The following PRH1 variants were observed in gnomAD, a reference collection of about 807,000 sequenced individuals.
PRH1 encodes the protein proline rich protein HaeIII subfamily 1.
In PRH1, 7 loss-of-function variants were observed where a neutral mutation model predicts 7.9. The ratio of observed to expected loss-of-function variants is 0.89; its 90% CI spans 0.50 to 1.67. The LOEUF (loss-of-function observed/expected upper bound fraction) is 1.67. Among genes scored for constraint, PRH1 ranks in the 40% most tolerant of loss-of-function variants. The pLI, the probability that PRH1 is intolerant of heterozygous loss-of-function variation, is 0.00. For synonymous variants in PRH1, 45 were observed against 80.8 expected, an observed-to-expected ratio of 0.56 and a Z score of 2.38; for missense variants, 109 against 223.6, an observed-to-expected ratio of 0.49 and a Z score of 3.27.
At chr12:11,162,781 A>T (rs1019736061) in intron 1 of PRH1, among the ~76,000 whole-genome samples, 1 of 152,180 alleles carries the variant, frequency 6.6e-6, no homozygotes, top group African/African-American at 2.4e-5. Flanking sequence ...CAACAAATAC[A>T]GCCTCACCCC....
intron 1 of PRH1, chr12:11,132,867 AG>A (rs1946404685): frequency 1.5e-5 from 2 of 136,478 alleles, no homozygotes; most frequent in Non-Finnish European, 3.2e-5. Flanking sequence ...TTAAAACAAC[AG>A]ATTGTAAGCA....
downstream of PRH1, among the ~76,000 whole-genome samples, chr12:11,117,881 C>T (rs932376341): frequency 6.6e-6 from 1 of 152,088 alleles, no homozygotes; most frequent in African/African-American, 2.4e-5. Context: ...AAGAATGAAA[C>T]TAGGCCCATA....
At chr12:10,936,594 C>T (rs1411464603) in intron 2 of PRH1, among the ~76,000 whole-genome samples, 2 of 152,100 alleles carry the variant, frequency 1.3e-5, no homozygotes, top group Non-Finnish European at 2.9e-5. Flanking sequence ...CTTTATCAAA[C>T]CCCCAGTTAC....
At chr12:10,903,583 C>T (rs941498801) in intron 2 of PRH1, among the ~76,000 whole-genome samples, 2 of 151,768 alleles carry the variant, frequency 1.3e-5, no homozygotes, top group Non-Finnish European at 2.9e-5. Flanking sequence ...ACTGAACATG[C>T]AAAAACTGAA....
chr12:11,036,086 G>A (rs1293458460), intron 1 of PRH1, among the ~76,000 whole-genome samples: 3 of 152,114 alleles, frequency 2.0e-5, no homozygotes, highest in Admixed American at 6.5e-5. Flanking sequence ...GTAGAGACAG[G>A]GTTTTACTGT....
At chr12:11,170,585 T>C (rs1302525915) in intron 1 of PRH1, among the ~76,000 whole-genome samples, 1 of 152,088 alleles carries the variant, frequency 6.6e-6, no homozygotes, top group Non-Finnish European at 1.5e-5. Context: ...AAGTACAGAG[T>C]AGTATTCCAG....
chr12:10,925,383 C>G (rs968949561), intron 2 of PRH1, among the ~76,000 whole-genome samples: 1 of 152,194 alleles, frequency 6.6e-6, no homozygotes, highest in East Asian at 1.9e-4. Flanking sequence ...TCAGGCCAGT[C>G]TCTCTCTTGG....
At chr12:10,914,094 TA>T (rs1284750591) in intron 2 of PRH1, among the ~76,000 whole-genome samples, 1 of 152,174 alleles carries the variant, frequency 6.6e-6, no homozygotes, top group East Asian at 1.9e-4. Flanking sequence ...GAAAAAACAT[TA>T]CTGTTTACTG....
chr12:10,938,551 G>C (rs367647949), intron 2 of PRH1: 2 of 1,613,864 alleles, frequency 1.2e-6, no homozygotes, highest in Non-Finnish European at 1.7e-6. Context: ...TGGCGTCTCC[G>C]GATATTTTGA....
rs566267990 is a variant in PRH1 at position 11,006,683 on chromosome 12, G to A, written c.-125-32962C>T. Among the ~76,000 whole-genome samples, 5 of 152,224 alleles carry A rather than the reference G, an allele frequency of 3.3e-5. No homozygotes were observed. In the South Asian group the frequency reaches 1.0e-3, roughly 32 times the overall value. On this transcript the variant is annotated intron_variant, in intron 1 of 3. Transcript: ENST00000539853. ...AAATGCAGGCCTAATAACACAGATTGTGATTCCTTTAATATCTAGACCTTA... is the reference window on the plus strand; with the variant it reads ...AAATGCAGGCCTAATAACACAGATTATGATTCCTTTAATATCTAGACCTTA...
chr12:11,099,052 T>C (rs1334697371), intron 1 of PRH1, among the ~76,000 whole-genome samples: 1 of 152,156 alleles, frequency 6.6e-6, no homozygotes, highest in Non-Finnish European at 1.5e-5. Context: ...TATTATTATA[T>C]AAAATATTTA....
intron 2 of PRH1, among the ~76,000 whole-genome samples, chr12:10,923,990 GT>G (rs35612831): frequency 1.7e-4 from 15 of 89,488 alleles, no homozygotes; most frequent in African/African-American, 7.2e-4. Flanking sequence ...TTCTCCATCT[GT>G]TTTTTTTTTT....
chr12:11,040,555 G>A (rs1942666904), intron 1 of PRH1, among the ~76,000 whole-genome samples: 1 of 152,160 alleles, frequency 6.6e-6, no homozygotes, highest in Admixed American at 6.6e-5. Context: ...TCACACACCT[G>A]GGCCTTTTGG....
chr12:10,937,030 G>A (rs1301482276), intron 2 of PRH1, among the ~76,000 whole-genome samples: 6 of 151,904 alleles, frequency 3.9e-5, no homozygotes, highest in African/African-American at 1.5e-4. Flanking sequence ...TCAGGATTAC[G>A]GTTACATTCC....
intron 2 of PRH1, among the ~76,000 whole-genome samples, chr12:10,927,745 T>G (rs1950143089): frequency 6.6e-6 from 1 of 152,236 alleles, no homozygotes; most frequent in Non-Finnish European, 1.5e-5. Context: ...ACATGGCCTC[T>G]CAGCCATGCC....
intron 1 of PRH1, among the ~76,000 whole-genome samples, chr12:11,095,861 A>G (rs2418304): frequency 0.025 from 2,890 of 115,576 alleles, 836 homozygotes; most frequent in South Asian, 0.041. Context: ...TATATTTTAA[A>G]TTTCTGTTTA....
chr12:11,040,507 T>A (rs113758745), intron 1 of PRH1, among the ~76,000 whole-genome samples: 1 of 152,128 alleles, frequency 6.6e-6, no homozygotes, highest in African/African-American at 2.4e-5. Context: ...TAAGTGGGAA[T>A]TGAACAGTGA....
chr12:11,151,488 C>T (rs1214268349), intron 1 of PRH1, among the ~76,000 whole-genome samples: 1 of 152,174 alleles, frequency 6.6e-6, no homozygotes, highest in Admixed American at 6.5e-5. Flanking sequence ...ATTTCACAGT[C>T]TCCTTTTAAA....
chr12:10,961,892 T>A (rs182974193), intron 2 of PRH1, among the ~76,000 whole-genome samples: 325 of 152,354 alleles, frequency 2.1e-3, no homozygotes, highest in Non-Finnish European at 3.7e-3. Flanking sequence ...ATGCATCTGA[T>A]GACCACCATG....
Sources: allele counts gnomAD v4.1 joint callset (sites outside exome capture counted in the v4.1 genomes callset), GRCh38; gene constraint gnomAD v4.1.1; transcripts MANE v1.5; gene names NCBI Gene and HGNC (gene_info 2026-07-23, HGNC 2026-07-21).